ZNF506: variants seen among roughly 807,000 people sequenced by gnomAD.
The protein encoded by ZNF506 is zinc finger protein 506.
A neutral mutation model predicts 11.6 loss-of-function variants in ZNF506; 10 were observed. The ratio of observed to expected loss-of-function variants is 0.86; its 90% confidence interval spans 0.53 to 1.46. The LOEUF (loss-of-function observed/expected upper bound fraction) is 1.46. Among genes scored for constraint, ZNF506 ranks in the 40% most tolerant of loss-of-function variants. The pLI is 0.00. For missense variants in ZNF506, 425 were observed against 521.2 expected, an observed-to-expected ratio of 0.82 and a Z score of 1.80; for synonymous variants, 156 against 173.3, an observed-to-expected ratio of 0.90 and a Z score of 0.78.
chr19:19,810,134 T>C (rs1237287737), intron 1 of ZNF506, among the ~76,000 whole-genome samples: 1 of 152,204 alleles, frequency 6.6e-6, no homozygotes, highest in East Asian at 1.9e-4. Flanking sequence ...TGAATGGGTG[T>C]TTTAAACAAG....
At position 19,807,009 on chromosome 19, in the gene ZNF506, C is replaced by G. The variant is rs1417616337; in HGVS notation, c.63G>C (p.Leu21=). Residue 21 remains leucine, a synonymous_variant, in exon 2 of 4, where the codon CTG becomes CTC. Coordinates refer to ENST00000540806, the MANE Select transcript of ZNF506 (RefSeq NM_001099269.3). ...IEFSLEEWHC[L]DAAQRNLYRD... ...TATATAGATTCCGCTGTGCAGCGTC[C>G]AGGCAATGCCACTCCTCCAGAGAGA... 1 of 1,613,996 alleles carries G rather than the reference C, an allele frequency of 6.2e-7. No individual in the cohort carries two copies. Among genetic ancestry groups the G allele is most frequent in the Admixed American group, 1.7e-5 (1 of 60,018 alleles).
intron 3 of ZNF506, chr19:19,799,475 A>G (rs1328921569): frequency 3.0e-6 from 2 of 659,898 alleles, no homozygotes; most frequent in Admixed American, 2.5e-5. Context: ...ACAAAGTCTT[A>G]ACACATTTTT....
intron 3 of ZNF506, among the ~76,000 whole-genome samples, chr19:19,805,672 G>T (rs2062830005): frequency 6.6e-6 from 1 of 152,028 alleles, no homozygotes; most frequent in African/African-American, 2.4e-5. Flanking sequence ...AGAACTTAAA[G>T]AGTTTTAGTT....
chr19:19,797,728 A>G (rs1363734159), intron 3 of ZNF506: 1 of 152,168 alleles, frequency 6.6e-6, no homozygotes, highest in African/African-American at 2.4e-5. Flanking sequence ...CACAGATAAG[A>G]AGAGAATTTT....
intron 1 of ZNF506, among the ~76,000 whole-genome samples, chr19:19,808,843 C>CAAAAAA (rs35282430): frequency 2.4e-4 from 20 of 82,646 alleles, no homozygotes; most frequent in East Asian, 6.1e-4. Flanking sequence ...GACTCTGTCT[C>CAAAAAA]AAAAAAAAAA....
At chr19:19,801,209 GGCCGGGT>G (rs2062789883) in intron 3 of ZNF506, among the ~76,000 whole-genome samples, 1 of 152,066 alleles carries the variant, frequency 6.6e-6, no homozygotes, top group African/African-American at 2.4e-5. Context: ...AAAAAAACCT[GGCCGGGT>G]GCCGTGGCTC....
At chr19:19,796,511 C>A (rs1256499381) in intron 3 of ZNF506, 5 of 152,126 alleles carry the variant, frequency 3.3e-5, no homozygotes, top group African/African-American at 4.8e-5. Flanking sequence ...TCACGCCATT[C>A]TCCTGCCACA....
chr19:19,806,353 T>G (rs1225572264), intron 2 of ZNF506: 2 of 223,638 alleles, frequency 8.9e-6, no homozygotes, highest in Non-Finnish European at 1.7e-5. Context: ...AACTCCAGGA[T>G]TCAAGCGGTT....
chr19:19,813,265 T>C (rs1470117054), intron 1 of ZNF506, among the ~76,000 whole-genome samples: 1 of 152,204 alleles, frequency 6.6e-6, no homozygotes, highest in East Asian at 1.9e-4. Flanking sequence ...AACAATTTGG[T>C]AGTAAATTTT....
chr19:19,813,667 C>A (rs745463655), intron 1 of ZNF506, among the ~76,000 whole-genome samples: 10 of 152,170 alleles, frequency 6.6e-5, no homozygotes, highest in African/African-American at 2.4e-4. Context: ...CAATGGTAGA[C>A]TGGATAAAGA....
Position 19,795,395 on chromosome 19 carries a change from C to T in ZNF506, c.492G>A (p.Lys164=), listed in dbSNP as rs2062732083. 2 of 1,595,762 alleles carry T rather than the reference C, an allele frequency of 1.3e-6. No individual in the cohort carries two copies. The highest frequency in any genetic ancestry group is 1.7e-6 in the Non-Finnish European group (2 of 1,173,694). The change falls in exon 4 of 4, where the codon AAG becomes AAA. Residue 164 remains lysine (K), a synonymous_variant. Transcript: ENST00000540806. ...AAGATTTTTTTCCAGTATCTCTTAT[C>T]TTATGTTTGTTTGAATTTGAAAATT... The part of the protein sequence containing the change: ...LHKFSNSNKH[K]IRDTGKKSFK...
intron 1 of ZNF506, among the ~76,000 whole-genome samples, chr19:19,814,602 G>GTATCT (rs1291107329): frequency 2.0e-5 from 3 of 151,924 alleles, no homozygotes; most frequent in Non-Finnish European, 4.4e-5. Flanking sequence ...GCTATGGGTA[G>GTATCT]TATCTCAGTG....
At chr19:19,802,980 C>G (rs559869373) in intron 3 of ZNF506, among the ~76,000 whole-genome samples, 2 of 152,090 alleles carry the variant, frequency 1.3e-5, no homozygotes, top group Non-Finnish European at 2.9e-5. Context: ...GACCAGTCTG[C>G]GTTATGTAGC....
At chr19:19,801,888 A>G (rs977677363) in intron 3 of ZNF506, among the ~76,000 whole-genome samples, 2 of 145,478 alleles carry the variant, frequency 1.4e-5, no homozygotes, top group Non-Finnish European at 3.0e-5. Context: ...GGTATGCAAC[A>G]TTGATGTATC....
rs1209904400 is a variant in ZNF506 at position 19,794,144 on chromosome 19, T to A, written c.*408A>T. The A allele has an allele frequency of 3.0e-5, 5 of 165,860 alleles. No individual in the cohort carries two copies. The highest frequency in any genetic ancestry group is 2.3e-4 in the Admixed American group (4 of 17,584). 10.3% of individuals were successfully genotyped at this position (165,860 alleles called of 1,614,324 possible). On this transcript the variant is annotated 3_prime_UTR_variant, in exon 4 of 4. Coordinates refer to ENST00000540806, the MANE Select transcript of ZNF506 (RefSeq NM_001099269.3). Reference sequence around the variant, plus strand: ...GGCAAACATGATGAAACCCCATCTCTACTAAAAATACAAAAATTAGCTGGG... The same window carrying A: ...GGCAAACATGATGAAACCCCATCTCAACTAAAAATACAAAAATTAGCTGGG...
chr19:19,814,599 G>C (rs1269639609), intron 1 of ZNF506, among the ~76,000 whole-genome samples: 1 of 151,920 alleles, frequency 6.6e-6, no homozygotes, highest in Non-Finnish European at 1.5e-5. Flanking sequence ...GGTGCTATGG[G>C]TAGTATCTCA....
rs1411104574 is a variant in ZNF506, at chr19:19,806,259, T to A, written c.131-133A>T. On this transcript the variant is annotated intron_variant, in intron 2 of 3. Transcript: ENST00000540806. ...CTAAAATACTAAGTTATAACAGAAA[T>A]TTTTTTTCTTTTTTGAGGCAGAGTT... 1.2e-5 allele frequency: 7 copies of A among 574,602 alleles called. No individual in the cohort carries two copies. The East Asian group carries it at 3.2e-4, about 26-fold the overall frequency. The allele number at this position is 574,602 out of a possible 1,614,324, so 35.6% of individuals were successfully genotyped here.
At chr19:19,799,465 A>T (rs1415411912) in intron 3 of ZNF506, 1 of 671,118 alleles carries the variant, frequency 1.5e-6, no homozygotes, top group Non-Finnish European at 2.7e-6. Flanking sequence ...TAGGTCAAAA[A>T]CAAAGTCTTA....
intron 1 of ZNF506, among the ~76,000 whole-genome samples, chr19:19,818,377 C>T (rs1054770140): frequency 3.3e-5 from 5 of 152,138 alleles, no homozygotes; most frequent in East Asian, 1.9e-4. Flanking sequence ...GATGTTTTGA[C>T]GATCTATATA....
Sources: allele counts gnomAD v4.1 joint callset (sites outside exome capture counted in the v4.1 genomes callset), GRCh38; gene constraint gnomAD v4.1.1; transcripts MANE v1.5; gene names NCBI Gene and HGNC (gene_info 2026-07-23, HGNC 2026-07-21).